TRAPPC9: variants seen among roughly 807,000 people sequenced by gnomAD.
TRAPPC9 encodes the protein IKK2 binding protein.
A neutral mutation model predicts 124.0 loss-of-function variants in TRAPPC9; 83 were observed. The observed-to-expected ratio is 0.67, with a 90% CI of 0.56 to 0.80. The LOEUF is 0.80. Ranked by LOEUF, TRAPPC9 falls within the 30% of genes least tolerant of loss-of-function variation. The pLI is 0.00. For synonymous variants in TRAPPC9, 638 were observed against 617.5 expected, an observed-to-expected ratio of 1.03 and a Z score of -0.49; for missense variants, 1,302 against 1,508.3, an observed-to-expected ratio of 0.86 and a Z score of 2.27.
At chr8:140,038,551 GC>G (rs1841058767) in intron 17 of TRAPPC9, among the ~76,000 whole-genome samples, 2 of 152,210 alleles carry the variant, frequency 1.3e-5, no homozygotes, top group African/African-American at 4.8e-5. Flanking sequence ...TGGATGAGTG[GC>G]CCTGGCTCCA....
chr8:140,419,874 A>T (rs974429416), intron 5 of TRAPPC9, among the ~76,000 whole-genome samples: 1 of 152,112 alleles, frequency 6.6e-6, no homozygotes, highest in African/African-American at 2.4e-5. Context: ...GGACAGAGTG[A>T]GACTCCGTCT....
chr8:139,903,639 C>T (rs952372512), intron 20 of TRAPPC9, among the ~76,000 whole-genome samples: 2 of 152,226 alleles, frequency 1.3e-5, no homozygotes, highest in Non-Finnish European at 2.9e-5. Context: ...AGACTCATCC[C>T]GTGAGTTGCA....
rs116611143 is a variant in TRAPPC9, at chr8:139,995,232, G to A, written c.2700-6396C>T. ...GAAAGGCAGCGTGGACTCCAGAGGC[G>A]TGCCCTGTGTATAGCCAGACAGAGC... On this transcript the variant is annotated intron_variant, in intron 18 of 22. Coordinates refer to ENST00000438773, the MANE Select transcript of TRAPPC9 (RefSeq NM_001160372.4). Among the ~76,000 whole-genome samples, 1,148 of 152,320 alleles carry A rather than the reference G, an allele frequency of 7.5e-3. 17 individuals are homozygous for A. Among genetic ancestry groups the A allele is most frequent in the African/African-American group, 0.026 (1,098 of 41,568 alleles).
intron 16 of TRAPPC9, among the ~76,000 whole-genome samples, chr8:140,249,825 G>T (rs1391637442): frequency 6.6e-6 from 1 of 151,996 alleles, no homozygotes; most frequent in Non-Finnish European, 1.5e-5. Flanking sequence ...AGCCAGGATG[G>T]TCTCAATCTC....
Position 140,252,503 on chromosome 8 carries a change from C to T in TRAPPC9, c.2431+274G>A. On this transcript the variant is annotated intron_variant, in intron 16 of 22. Coordinates refer to ENST00000438773, the MANE Select transcript of TRAPPC9 (RefSeq NM_001160372.4). This position sits in a 1 kb window ranked among gnomAD's most constrained non-coding sequence, Gnocchi z 4.2. ...TATACTTGAAAAAACGCAGTAATTC[C>T]TACATTCCACTAATTTAGAATGACC... 2.4e-6 allele frequency: 1 copy of T among 413,952 alleles called. No homozygotes were observed. The highest frequency in any genetic ancestry group is 4.4e-6 in the Non-Finnish European group (1 of 226,122). The allele number at this position is 413,952 out of a possible 1,614,324, so 25.6% of individuals were successfully genotyped here.
At chr8:140,210,410 C>T (rs1353213415) in intron 17 of TRAPPC9, among the ~76,000 whole-genome samples, 1 of 152,218 alleles carries the variant, frequency 6.6e-6, no homozygotes, top group Non-Finnish European at 1.5e-5. Flanking sequence ...CTGGACAGGA[C>T]ACTGTGGCGG....
rs868543267 is a variant in TRAPPC9 at position 139,898,496 on chromosome 8, C to T, written c.2964+11651G>A. Among the ~76,000 whole-genome samples, 10 of 152,160 alleles carry T rather than the reference C, an allele frequency of 6.6e-5. No individual in the cohort carries two copies. In the South Asian group the frequency reaches 1.0e-3, roughly 16 times the overall value. ...CCTATGCAAGGCCACAGTTTATCAG[C>T]GAATGTCCACCCACACAAGCTTGTG... On this transcript the variant is annotated intron_variant, in intron 20 of 22. Coordinates refer to ENST00000438773, the MANE Select transcript of TRAPPC9 (RefSeq NM_001160372.4).
chr8:140,171,038 G>C (rs1433231484), intron 17 of TRAPPC9, among the ~76,000 whole-genome samples: 2 of 152,196 alleles, frequency 1.3e-5, no homozygotes, highest in Non-Finnish European at 2.9e-5. Context: ...GCCTAAGAAT[G>C]ACATCAAGTT....
In TRAPPC9 at chr8:140,275,728, A is replaced by G. The variant is rs1205855640; in HGVS notation, c.2208T>C (p.Ile736=). ...GTTCCATTCCAATATTTTCCAATTT[A>G]ATGATTAGTTGCTGACTTTCTCCAT... ...LYNGESQQLI[I]KLENIGMEPL... Residue 736 remains isoleucine, a synonymous_variant, in exon 15 of 23, where the codon ATT becomes ATC. Coordinates refer to ENST00000438773, the MANE Select transcript of TRAPPC9 (RefSeq NM_001160372.4). 1 of 1,614,110 alleles carries G rather than the reference A, an allele frequency of 6.2e-7. No homozygotes were observed. Among genetic ancestry groups the G allele is most frequent in the Non-Finnish European group, 8.5e-7 (1 of 1,179,924 alleles).
chr8:139,822,646 C>T (rs1445315853), intron 21 of TRAPPC9, among the ~76,000 whole-genome samples: 3 of 152,154 alleles, frequency 2.0e-5, no homozygotes, highest in African/African-American at 7.2e-5. Context: ...GCCTTGCCTC[C>T]ATGGGAAGGA....
At chr8:139,813,990 C>A (rs1824637172) in intron 21 of TRAPPC9, among the ~76,000 whole-genome samples, 1 of 152,164 alleles carries the variant, frequency 6.6e-6, no homozygotes, top group Admixed American at 6.5e-5. Context: ...CCAGAAAGTT[C>A]CTGGAAAAGG....
At position 140,155,195 on chromosome 8, in the gene TRAPPC9, G is replaced by A. The variant is rs534760529; in HGVS notation, c.2556+66264C>T. 2.0e-5 allele frequency among the ~76,000 whole-genome samples: 3 copies of A among 152,316 alleles called. No homozygotes were observed. In the South Asian group the frequency reaches 6.2e-4, roughly 32 times the overall value. On this transcript the variant is annotated intron_variant, in intron 17 of 22. Coordinates refer to ENST00000438773, the MANE Select transcript of TRAPPC9 (RefSeq NM_001160372.4). ...AAAAGGGGTGAGGAGATCACAATGG[G>A]TTTCTCCACCGGGGCCATTTGACTC...
At chr8:139,882,493 A>T (rs1463286172) in intron 21 of TRAPPC9, among the ~76,000 whole-genome samples, 1 of 152,132 alleles carries the variant, frequency 6.6e-6, no homozygotes, top group Admixed American at 6.5e-5. Context: ...CTGTCCCCCT[A>T]CCTGTTCCCC....
chr8:140,391,026 T>G (rs1456091356), intron 7 of TRAPPC9, among the ~76,000 whole-genome samples: 1 of 152,222 alleles, frequency 6.6e-6, no homozygotes, highest in Non-Finnish European at 1.5e-5. Flanking sequence ...AAGTTTGAGG[T>G]TGCAATTATT....
chr8:139,958,681 G>C (rs558558587), intron 19 of TRAPPC9, among the ~76,000 whole-genome samples: 1 of 152,264 alleles, frequency 6.6e-6, no homozygotes, highest in Admixed American at 6.5e-5. Context: ...GTAGCCCCAG[G>C]AACACGGTGT....
intron 21 of TRAPPC9, among the ~76,000 whole-genome samples, chr8:139,816,444 C>T (rs1398821200): frequency 6.6e-6 from 1 of 152,166 alleles, no homozygotes; most frequent in Non-Finnish European, 1.5e-5. Flanking sequence ...ACTGGGAGAG[C>T]TTTGAGTCCC....
chr8:139,932,638 C>A (rs1256359012), intron 19 of TRAPPC9: 1 of 404,660 alleles, frequency 2.5e-6, no homozygotes, highest in Non-Finnish European at 5.0e-6. Context: ...TTGGCACATG[C>A]CTGTAGTCCC....
rs1329249999 is a variant in TRAPPC9 at position 139,788,369 on chromosome 8, TA to T, written c.3056-56168del. ...GGGAAAAGGAGTGGGAACAGGTTTC[TA>T]AAAATAGCCTGGCCTGTCAAAACTG... On this transcript the variant is annotated intron_variant, in intron 21 of 22. Transcript: ENST00000438773. The surrounding 1 kb of genome is among the most constrained non-coding windows in gnomAD (Gnocchi z 4.9). 2.6e-5 allele frequency among the ~76,000 whole-genome samples: 4 copies of T among 152,222 alleles called. No homozygotes were observed. Among genetic ancestry groups the T allele is most frequent in the Non-Finnish European group, 4.4e-5 (3 of 68,030 alleles).
chr8:139,734,211 GA>G (rs1818014182), intron 21 of TRAPPC9, among the ~76,000 whole-genome samples: 1 of 151,098 alleles, frequency 6.6e-6, no homozygotes, highest in African/African-American at 2.5e-5. Flanking sequence ...CAAGGCACAA[GA>G]AGAAGGACTC....
Sources: gnomAD v4.1 joint callset for allele counts (sites outside exome capture counted in the v4.1 genomes callset) on GRCh38, gnomAD v4.1.1 for gene constraint, Gnocchi (gnomAD v3.1) non-coding constraint, MANE v1.5 for transcripts, NCBI Gene and HGNC (gene_info 2026-07-23, HGNC 2026-07-21) for gene names.